The following DACH1 variants were observed in gnomAD, a reference collection of about 807,000 sequenced individuals.
DACH1 encodes the protein dachshund homolog 1.
A neutral mutation model predicts 54.2 loss-of-function variants in DACH1; 12 were observed. That is an observed-to-expected ratio of 0.22 (90% confidence interval 0.14 to 0.36). DACH1 has a LOEUF of 0.36. Among genes scored for constraint, DACH1 ranks in the 10% least tolerant of loss-of-function variants. The pLI is 1.00. For missense variants in DACH1, 805 were observed against 929.8 expected (o/e 0.87, Z 1.75); for synonymous variants, 386 against 366.2 (o/e 1.05, Z -0.62).
intron 2 of DACH1, among the ~76,000 whole-genome samples, chr13:71,649,205 A>C (rs146172795): frequency 2.0e-5 from 3 of 152,286 alleles, no homozygotes; most frequent in African/African-American, 7.2e-5. Flanking sequence ...TAGAAGCAAT[A>C]AGCCATACGT....
rs1411655690 is a variant in DACH1 at position 71,866,402 on chromosome 13, C to T, written c.368G>A (p.Ser123Asn). 1 of 1,451,828 alleles carries T rather than the reference C, an allele frequency of 6.9e-7. No individual in the cohort carries two copies. The allele number at this position is 1,451,828 out of a possible 1,614,324, so 89.9% of individuals were successfully genotyped here. ...NGSGGGGGGI[S>N]AGGGVASSTP... is the part of the protein sequence containing the mutation. ...GCTGGAAGCGACGCCGCCGCCAGCG[C>T]TGATGCCGCCGCCGCCGCCGCCGCT... Residue 123 changes from serine to asparagine, a missense_variant, in exon 1 of 11, where the codon AGC becomes AAC. Transcript: ENST00000613252.
chr13:71,617,864 T>C (rs1046628592), intron 3 of DACH1, among the ~76,000 whole-genome samples: 1 of 152,060 alleles, frequency 6.6e-6, no homozygotes, highest in Non-Finnish European at 1.5e-5. Context: ...AAACAACTAG[T>C]CAACAGAATC....
chr13:71,660,518 G>C (rs372293184), intron 2 of DACH1, among the ~76,000 whole-genome samples: 2 of 152,076 alleles, frequency 1.3e-5, no homozygotes, highest in East Asian at 3.9e-4. Context: ...GACAACCATA[G>C]CCCCATATAT....
intron 1 of DACH1, among the ~76,000 whole-genome samples, chr13:71,747,254 G>A (rs1301796361): frequency 6.6e-5 from 10 of 151,410 alleles, no homozygotes; most frequent in Non-Finnish European, 1.3e-4. Context: ...TCCACACACT[G>A]TACAGAATTA....
At chr13:71,579,603 G>A (rs1885740256) in intron 3 of DACH1, among the ~76,000 whole-genome samples, 1 of 151,762 alleles carries the variant, frequency 6.6e-6, no homozygotes, top group African/African-American at 2.4e-5. Context: ...ATAGACAATG[G>A]TTTCAATTTT....
chr13:71,694,598 T>C (rs930208543), intron 1 of DACH1, among the ~76,000 whole-genome samples: 16 of 152,240 alleles, frequency 1.1e-4, no homozygotes, highest in Admixed American at 2.6e-4. Context: ...AGATATAAAC[T>C]ACCGGAACCA....
chr13:71,713,320 A>G (rs893462920), intron 1 of DACH1, among the ~76,000 whole-genome samples: 3 of 152,114 alleles, frequency 2.0e-5, no homozygotes, highest in African/African-American at 7.2e-5. Flanking sequence ...TTTCTAGTAA[A>G]GAATTTATTT....
At chr13:71,809,999 T>A (rs1027560722) in intron 1 of DACH1, among the ~76,000 whole-genome samples, 3 of 152,214 alleles carry the variant, frequency 2.0e-5, no homozygotes, top group African/African-American at 7.2e-5. Context: ...TGTGTGTGTA[T>A]GCTGTAGACA....
At chr13:71,686,720 A>C (rs1214028759) in intron 1 of DACH1, among the ~76,000 whole-genome samples, 1 of 152,222 alleles carries the variant, frequency 6.6e-6, no homozygotes, top group East Asian at 1.9e-4. Context: ...CAGAGAAACA[A>C]ATAAAATTCA....
At position 71,492,784 on chromosome 13, in the gene DACH1, G is replaced by A. The variant is rs548855006; in HGVS notation, c.1571-3636C>T. Among the ~76,000 whole-genome samples, 42 of 151,422 alleles carry A rather than the reference G, an allele frequency of 2.8e-4. No homozygotes were observed. The South Asian group carries it at 7.5e-3, about 27-fold the overall frequency. ...GTGAGTGTATGTGTGTGTGTATGGT[G>A]TGAGGGAGGGTGCATATGTTTGAAC... On this transcript the variant is annotated intron_variant, in intron 6 of 10. Coordinates refer to ENST00000613252, the MANE Select transcript of DACH1 (RefSeq NM_080759.6).
At chr13:71,684,790 T>C (rs1216004649) in intron 1 of DACH1, among the ~76,000 whole-genome samples, 1 of 152,062 alleles carries the variant, frequency 6.6e-6, no homozygotes, top group Non-Finnish European at 1.5e-5. Flanking sequence ...ATAAAAATAA[T>C]AATAATAACC....
intron 1 of DACH1, among the ~76,000 whole-genome samples, chr13:71,788,663 T>C (rs1433003943): frequency 6.6e-6 from 1 of 152,110 alleles, no homozygotes; most frequent in Non-Finnish European, 1.5e-5. Context: ...TAATTTCTTA[T>C]GGTTACTTTT....
intron 1 of DACH1, among the ~76,000 whole-genome samples, chr13:71,851,841 C>T (rs185497257): frequency 7.2e-5 from 11 of 152,134 alleles, no homozygotes; most frequent in South Asian, 2.1e-4. Flanking sequence ...GGGACTACTT[C>T]GGATGAATTT....
At chr13:71,448,035 G>C (rs1317551623) in intron 10 of DACH1, among the ~76,000 whole-genome samples, 1 of 152,118 alleles carries the variant, frequency 6.6e-6, no homozygotes, top group Non-Finnish European at 1.5e-5. Flanking sequence ...ACATCCACAA[G>C]GATCTTTTAC....
At chr13:71,454,834 C>T (rs1333334164) in intron 10 of DACH1, among the ~76,000 whole-genome samples, 1 of 152,186 alleles carries the variant, frequency 6.6e-6, no homozygotes, top group Non-Finnish European at 1.5e-5. Context: ...TCCTCACACA[C>T]AGAAACTGTG....
intron 10 of DACH1, among the ~76,000 whole-genome samples, chr13:71,453,650 C>A (rs779541332): frequency 2.6e-5 from 4 of 152,074 alleles, no homozygotes; most frequent in Non-Finnish European, 5.9e-5. Context: ...TCCAACATGA[C>A]TAATTTGTTA....
intron 1 of DACH1, among the ~76,000 whole-genome samples, chr13:71,796,721 T>C (rs1279381829): frequency 6.6e-6 from 1 of 152,096 alleles, no homozygotes; most frequent in Non-Finnish European, 1.5e-5. Context: ...TCACACACTT[T>C]GTATAAAAGA....
chr13:71,485,819 G>A (rs1878455879), intron 7 of DACH1, among the ~76,000 whole-genome samples: 1 of 151,430 alleles, frequency 6.6e-6, no homozygotes, highest in Admixed American at 6.6e-5. Flanking sequence ...TGGACCTTGA[G>A]ATCCACCCAC....
At chr13:71,833,584 A>C (rs1275830675) in intron 1 of DACH1, among the ~76,000 whole-genome samples, 1 of 151,934 alleles carries the variant, frequency 6.6e-6, no homozygotes, top group African/African-American at 2.4e-5. Context: ...ACTTGTATGA[A>C]TATCACAATT....
Sources: gnomAD v4.1 joint callset for allele counts (sites outside exome capture counted in the v4.1 genomes callset) on GRCh38, gnomAD v4.1.1 for gene constraint, MANE v1.5 for transcripts, NCBI Gene and HGNC (gene_info 2026-07-23, HGNC 2026-07-21) for gene names.